The following POPDC1 variants were observed in gnomAD, a reference collection of about 807,000 sequenced individuals.
POPDC1 encodes popeye domain cAMP effector 1, also known as popeye domain-containing protein 1.
At chr6:105,115,710 C>G in the POPDC1 span, 2 of 1,613,912 alleles carry the variant, frequency 1.2e-6, no homozygotes, top group Non-Finnish European at 1.7e-6. Context: ...CTGGAGGTAC[C>G]CCGAAGAAAC....
the POPDC1 span, among the ~76,000 whole-genome samples, chr6:105,104,742 G>C: frequency 3.7e-4 from 56 of 152,272 alleles, no homozygotes; most frequent in Admixed American, 7.8e-4. Context: ...TCTCTCAAAG[G>C]AATATCAATA....
the POPDC1 span, among the ~76,000 whole-genome samples, chr6:105,113,509 G>A: frequency 6.6e-6 from 1 of 152,192 alleles, no homozygotes; most frequent in South Asian, 2.1e-4. Context: ...ATGCATGGAA[G>A]TGGTACTTGC....
chr6:105,112,570 G>A, the POPDC1 span, among the ~76,000 whole-genome samples: 10 of 152,160 alleles, frequency 6.6e-5, no homozygotes, highest in African/African-American at 2.2e-4. Flanking sequence ...TAGTAATCCA[G>A]TGATAAGAAT....
the POPDC1 span, among the ~76,000 whole-genome samples, chr6:105,110,530 A>G: frequency 1.3e-5 from 2 of 152,332 alleles, no homozygotes; most frequent in East Asian, 3.9e-4. Flanking sequence ...AGAATGCTAT[A>G]ATGGCTTTTT....
chr6:105,127,909 A>G, the POPDC1 span, among the ~76,000 whole-genome samples: 108,578 of 152,084 alleles, frequency 0.71, 42,353 homozygotes, highest in East Asian at 0.87. Context: ...ACAGGTGTGC[A>G]CTACCATGCC....
the POPDC1 span, chr6:105,115,667 C>A: frequency 6.2e-7 from 1 of 1,613,466 alleles, no homozygotes; most frequent in Non-Finnish European, 8.5e-7. Flanking sequence ...GGAGTAGTAT[C>A]AGTTTTGGGA....
At chr6:105,116,741 T>C in the POPDC1 span, 1 of 1,610,062 alleles carries the variant, frequency 6.2e-7, no homozygotes, top group South Asian at 1.1e-5. Flanking sequence ...GTAGAGCTTA[T>C]TTGTGATGTC....
the POPDC1 span, chr6:105,115,940 A>G: frequency 9.9e-7 from 1 of 1,013,840 alleles, no homozygotes; most frequent in Non-Finnish European, 1.4e-6. Flanking sequence ...AAAAAAGAAT[A>G]CCTGATACAT....
chr6:105,124,735 C>A, the POPDC1 span: 2 of 1,039,638 alleles, frequency 1.9e-6, no homozygotes, highest in South Asian at 1.4e-5. Context: ...TCATCTTATG[C>A]GATTTTATTT....
chr6:105,110,266 A>G, the POPDC1 span, among the ~76,000 whole-genome samples: 1 of 152,152 alleles, frequency 6.6e-6, no homozygotes, highest in African/African-American at 2.4e-5. Context: ...AAACAAGTTT[A>G]TGCTCACATT....
At chr6:105,124,560 C>T in the POPDC1 span, 1 of 1,604,172 alleles carries the variant, frequency 6.2e-7, no homozygotes, top group South Asian at 1.1e-5. Flanking sequence ...GAATTTTTCA[C>T]CTTTGTGCAT....
the POPDC1 span, among the ~76,000 whole-genome samples, chr6:105,131,604 G>A: frequency 6.6e-6 from 1 of 152,120 alleles, no homozygotes; most frequent in Non-Finnish European, 1.5e-5. Context: ...TTTGTAGACA[G>A]AAGGTCTCAC....
the POPDC1 span, among the ~76,000 whole-genome samples, chr6:105,120,600 T>C: frequency 3.3e-5 from 5 of 152,240 alleles, no homozygotes; most frequent in Non-Finnish European, 7.3e-5. Context: ...AAGGACATCT[T>C]TCAGGTCGAG....
chr6:105,133,432 T>G, the POPDC1 span: 1 of 1,613,762 alleles, frequency 6.2e-7, no homozygotes, highest in African/African-American at 1.3e-5. Flanking sequence ...AAAACAAATA[T>G]TTGCTACATG....
the POPDC1 span, chr6:105,100,552 GTATATATATATA>G: frequency 2.7e-3 from 30 of 11,156 alleles, no homozygotes; most frequent in Non-Finnish European, 3.9e-3. Context: ...GTATATATAT[GTATATATATATA>G]TATATGTATG....
the POPDC1 span, chr6:105,133,559 T>C: frequency 6.2e-7 from 1 of 1,611,078 alleles, no homozygotes. Context: ...CTCAATGGGC[T>C]GGACTCTGTA....
chr6:105,105,307 T>A, the POPDC1 span, among the ~76,000 whole-genome samples: 3 of 152,224 alleles, frequency 2.0e-5, no homozygotes, highest in African/African-American at 4.8e-5. Context: ...GCCAGCTGGC[T>A]GCCAACCCCT....
chr6:105,109,393 G>C, the POPDC1 span, among the ~76,000 whole-genome samples: 1 of 152,096 alleles, frequency 6.6e-6, no homozygotes, highest in African/African-American at 2.4e-5. Context: ...AAAGTGGAGG[G>C]GAAGTTAGAA....
chr6:105,116,867 A>G, the POPDC1 span: 1 of 1,610,804 alleles, frequency 6.2e-7, no homozygotes, highest in Non-Finnish European at 8.5e-7. Flanking sequence ...AATAATGGTG[A>G]CCTGCCAAAG....
Sources: gnomAD v4.1 joint callset for allele counts (sites outside exome capture counted in the v4.1 genomes callset) on GRCh38, gnomAD v4.1.1 for gene constraint, MANE v1.5 for transcripts, NCBI Gene and HGNC (gene_info 2026-07-23, HGNC 2026-07-21) for gene names.